Variants in DPT observed in about 807,000 individuals in gnomAD.
DPT encodes dermatopontin.
A neutral mutation model predicts 31.2 loss-of-function variants in DPT; 21 were observed. The ratio of observed to expected loss-of-function variants is 0.67; its 90% CI spans 0.48 to 0.97. The LOEUF is 0.97. Ranked by LOEUF, DPT falls within the 50% of genes least tolerant of loss-of-function variation. The probability of loss-of-function intolerance (pLI) is 0.00; values close to 1 mark genes in which losing one functional copy is unlikely to be tolerated. For synonymous variants in DPT, 91 were observed against 86.9 expected (o/e 1.05, Z -0.26); for missense variants, 262 against 258.8 (o/e 1.01, Z -0.08).
intron 1 of DPT, among the ~76,000 whole-genome samples, chr1:168,723,788 G>T (rs1301903116): frequency 1.3e-5 from 2 of 152,116 alleles, no homozygotes; most frequent in African/African-American, 2.4e-5. Context: ...GGAATTCCAC[G>T]ATTCTGTTGT....
At chr1:168,728,065 A>G (rs1204203085) in intron 1 of DPT, among the ~76,000 whole-genome samples, 1 of 152,178 alleles carries the variant, frequency 6.6e-6, no homozygotes, top group Non-Finnish European at 1.5e-5. Context: ...CTCCTGACCA[A>G]GCACCTGGGC....
rs531778389 is a variant in DPT, at chr1:168,706,536, C to T, written c.432-5412G>A. ...AGGAAAACAGCCACAGAGAACAATC[C>T]CCAGGCTTCTTCCCACAAGAGCTGG... On this transcript the variant is annotated intron_variant, in intron 2 of 3. Transcript: ENST00000367817. Among the ~76,000 whole-genome samples the T allele has an allele frequency of 2.4e-4, 36 of 152,200 alleles. No homozygotes were observed. The South Asian group carries it at 6.8e-3, about 29-fold the overall frequency.
intron 2 of DPT, among the ~76,000 whole-genome samples, chr1:168,709,812 G>A (rs75980023): frequency 4.6e-5 from 7 of 152,206 alleles, no homozygotes; most frequent in African/African-American, 1.7e-4. Flanking sequence ...CAGATAAGAG[G>A]GTTATCAGCA....
intron 1 of DPT, among the ~76,000 whole-genome samples, chr1:168,721,526 T>A (rs1179955455): frequency 6.6e-6 from 1 of 152,144 alleles, no homozygotes; most frequent in Non-Finnish European, 1.5e-5. Context: ...GGAGCCTACA[T>A]TAGAAATTGT....
intron 3 of DPT, 125 bp from the exon 4 acceptor site, chr1:168,696,740 A>C: frequency 9.7e-5 from 76 of 785,866 alleles, no homozygotes; most frequent in Non-Finnish European, 1.3e-4. Flanking sequence ...ACTTAATCTC[A>C]CTTTGCTCTT....
At chr1:168,710,594 G>A (rs1043818061) in intron 2 of DPT, among the ~76,000 whole-genome samples, 4 of 152,130 alleles carry the variant, frequency 2.6e-5, no homozygotes, top group Admixed American at 2.6e-4. Flanking sequence ...TTAACATTGA[G>A]ACTTTGTTCC....
intron 2 of DPT, among the ~76,000 whole-genome samples, chr1:168,703,341 G>A (rs887881303): frequency 8.6e-4 from 131 of 152,244 alleles, no homozygotes; most frequent in African/African-American, 3.0e-3. Context: ...TAAATATCAC[G>A]GAATAAAGTG....
Position 168,696,279 on chromosome 1 carries a change from T to C in DPT, c.*270A>G. 1 of 559,706 alleles carries C rather than the reference T, an allele frequency of 1.8e-6. No homozygotes were observed. Among genetic ancestry groups the C allele is most frequent in the Non-Finnish European group, 3.1e-6 (1 of 319,454 alleles). 34.7% of individuals were successfully genotyped at this position (559,706 alleles called of 1,614,324 possible). A position where few individuals can be genotyped will look rare whatever the true frequency, so the allele number is the denominator to read the frequency against. ...CCCGGCTGTAAGCATGCGCACTGTATATGTGGTGTGCAAGGAAGCCATCAT... is the reference window on the plus strand; with the variant it reads ...CCCGGCTGTAAGCATGCGCACTGTACATGTGGTGTGCAAGGAAGCCATCAT... On this transcript the variant is annotated 3_prime_UTR_variant, in exon 4 of 4. Coordinates refer to ENST00000367817, the MANE Select transcript of DPT (RefSeq NM_001937.5).
chr1:168,719,623 GC>G (rs1650056087), intron 1 of DPT, among the ~76,000 whole-genome samples: 2 of 151,930 alleles, frequency 1.3e-5, no homozygotes, highest in Non-Finnish European at 1.5e-5. Context: ...GGAGTTTCAG[GC>G]CCCTTCATGG....
intron 2 of DPT, among the ~76,000 whole-genome samples, chr1:168,713,316 G>A (rs1342234493): frequency 2.0e-5 from 3 of 152,176 alleles, no homozygotes; most frequent in Non-Finnish European, 1.5e-5. Context: ...AAAGAAAAAC[G>A]TTAAGCTTTT....
intron 1 of DPT, among the ~76,000 whole-genome samples, chr1:168,722,849 AACACAC>A (rs10585221): frequency 0.087 from 12,953 of 149,608 alleles, 706 homozygotes; most frequent in African/African-American, 0.16. Flanking sequence ...CCCTCAAAGA[AACACAC>A]ACACACACAC....
chr1:168,701,941 AT>A (rs903353156), intron 2 of DPT, among the ~76,000 whole-genome samples: 2 of 149,532 alleles, frequency 1.3e-5, no homozygotes, highest in African/African-American at 5.1e-5. Context: ...ACTAAGAACT[AT>A]TTTGTTTCTT....
chr1:168,698,965 A>G (rs1649526038), intron 3 of DPT, among the ~76,000 whole-genome samples: 1 of 152,072 alleles, frequency 6.6e-6, no homozygotes, highest in Non-Finnish European at 1.5e-5. Flanking sequence ...ATTTTATTTT[A>G]TTTTGGGGGG....
chr1:168,701,985 C>T (rs542940361), intron 2 of DPT, among the ~76,000 whole-genome samples: 24 of 152,190 alleles, frequency 1.6e-4, no homozygotes, highest in African/African-American at 5.3e-4. Context: ...CCTTCTCTTC[C>T]AATATTGAGT....
intron 1 of DPT, among the ~76,000 whole-genome samples, chr1:168,721,820 C>T (rs1650122326): frequency 6.6e-6 from 1 of 152,208 alleles, no homozygotes; most frequent in Non-Finnish European, 1.5e-5. Flanking sequence ...TATGAACAGT[C>T]TCTTTAAATA....
intron 1 of DPT, among the ~76,000 whole-genome samples, chr1:168,717,242 C>A (rs763514373): frequency 2.6e-5 from 4 of 152,162 alleles, no homozygotes; most frequent in Non-Finnish European, 5.9e-5. Context: ...TTAATAAACA[C>A]CATTTTGACT....
chr1:168,696,855 A>C (rs1458246779), intron 3 of DPT, among the ~76,000 whole-genome samples: 1 of 152,210 alleles, frequency 6.6e-6, no homozygotes, highest in Admixed American at 6.5e-5. Context: ...GCCTCTGTTC[A>C]TCACTGGTGG....
Position 168,700,978 on chromosome 1 carries a change from TTTAACCCTAGCCCA to T in DPT, c.539+25_539+38del, listed in dbSNP as rs554138379. The T allele has an allele frequency of 5.5e-4, 826 of 1,499,734 alleles. 2 individuals are homozygous for T. The highest frequency in any genetic ancestry group is 3.0e-3 in the South Asian group (262 of 88,470). 92.9% of individuals were successfully genotyped at this position (1,499,734 alleles called of 1,614,324 possible). The stretch of plus-strand genomic sequence containing the variant: ...CTTGCAGGGAGTTAGTCCCAACTCC[TTTAACCCTAGCCCA>T]TTGGGAAGGGGCTGTCTTTCTCACC... On this transcript the variant is annotated intron_variant, in intron 3 of 3. Coordinates refer to ENST00000367817, the MANE Select transcript of DPT (RefSeq NM_001937.5).
chr1:168,719,727 A>G (rs900909266), intron 1 of DPT, among the ~76,000 whole-genome samples: 20 of 151,668 alleles, frequency 1.3e-4, no homozygotes, highest in Admixed American at 3.3e-4. Context: ...AAATAAGACT[A>G]TTTCCTTAGA....
Sources: gnomAD v4.1 joint callset for allele counts (sites outside exome capture counted in the v4.1 genomes callset) on GRCh38, gnomAD v4.1.1 for gene constraint, MANE v1.5 for transcripts, NCBI Gene and HGNC (gene_info 2026-07-23, HGNC 2026-07-21) for gene names.